The following NUSAP1 variants were observed in gnomAD, a reference collection of about 807,000 sequenced individuals.
NUSAP1 encodes nucleolar and spindle associated protein 1, also known as nucleolar and spindle-associated protein 1.
A neutral mutation model predicts 52.8 loss-of-function variants in NUSAP1; 32 were observed. That is an observed-to-expected ratio of 0.61 (90% CI 0.46 to 0.81). NUSAP1 has a LOEUF of 0.81. Ranked by LOEUF, NUSAP1 falls within the 40% of genes least tolerant of loss-of-function variation. The pLI is 0.00. For missense variants in NUSAP1, 499 were observed against 522.3 expected (o/e 0.96, Z 0.43); for synonymous variants, 195 against 183.1 (o/e 1.06, Z -0.52).
At chr15:41,337,221 G>A (rs1284051768) in intron 1 of NUSAP1, among the ~76,000 whole-genome samples, 1 of 151,928 alleles carries the variant, frequency 6.6e-6, no homozygotes, top group Non-Finnish European at 1.5e-5. Flanking sequence ...GTCTGACTAT[G>A]TTGCCCTGTC....
At chr15:41,368,728 CTTTTTTTTTTTTT>C (rs57501156) in intron 7 of NUSAP1, among the ~76,000 whole-genome samples, 19 of 77,946 alleles carry the variant, frequency 2.4e-4, no homozygotes, top group South Asian at 4.5e-4. Flanking sequence ...TTATTTTATT[CTTTTTTTTTTTTT>C]TTTTTTTTTT....
intron 4 of NUSAP1, among the ~76,000 whole-genome samples, chr15:41,355,319 C>T (rs955311793): frequency 1.5e-4 from 23 of 151,670 alleles, no homozygotes; most frequent in African/African-American, 4.4e-4. Flanking sequence ...ATTACAGGCA[C>T]GCCCCACCAC....
At chr15:41,352,293 AT>A (rs1164890412) in intron 4 of NUSAP1, among the ~76,000 whole-genome samples, 1 of 152,044 alleles carries the variant, frequency 6.6e-6, no homozygotes, top group Non-Finnish European at 1.5e-5. Flanking sequence ...AAAATAAAAA[AT>A]AATAATAAAT....
At chr15:41,347,410 A>C (rs1296115526) in intron 2 of NUSAP1, among the ~76,000 whole-genome samples, 1 of 152,176 alleles carries the variant, frequency 6.6e-6, no homozygotes, top group Non-Finnish European at 1.5e-5. Flanking sequence ...TTGGGCATTC[A>C]AGGAACCACC....
chr15:41,347,269 G>A (rs1223658544), intron 2 of NUSAP1, among the ~76,000 whole-genome samples: 2 of 152,190 alleles, frequency 1.3e-5, no homozygotes, highest in Non-Finnish European at 2.9e-5. Flanking sequence ...GAAATTGACT[G>A]ACTACTAATA....
At position 41,355,555 on chromosome 15, in the gene NUSAP1, C is replaced by T. The variant is rs919579755; in HGVS notation, c.449-484C>T. Among the ~76,000 whole-genome samples, 14 of 152,054 alleles carry T rather than the reference C, an allele frequency of 9.2e-5. 1 individual carries two copies. The highest frequency in any genetic ancestry group is 7.2e-4 in the Admixed American group (11 of 15,238). ...CTACTTGAAGCATATGACCTGTAAT[C>T]GTAGGAATGCTGTAACTAATTTTTT... On this transcript the variant is annotated intron_variant, in intron 4 of 10. Coordinates refer to ENST00000559596, the MANE Select transcript of NUSAP1 (RefSeq NM_016359.5).
chr15:41,342,854 G>A (rs914654431), intron 2 of NUSAP1, among the ~76,000 whole-genome samples: 23 of 151,940 alleles, frequency 1.5e-4, no homozygotes, highest in Non-Finnish European at 1.6e-4. Context: ...CAAAAAAAAA[G>A]ATATGCTGTT....
chr15:41,340,231 T>G (rs1177583959), intron 1 of NUSAP1, among the ~76,000 whole-genome samples: 3 of 152,190 alleles, frequency 2.0e-5, no homozygotes, highest in Non-Finnish European at 4.4e-5. Context: ...TCAGGGCTCC[T>G]GTTCTTGGCG....
intron 1 of NUSAP1, among the ~76,000 whole-genome samples, chr15:41,336,668 T>TTTTTTTTTTTTTTTTG: frequency 6.7e-6 from 1 of 149,080 alleles, no homozygotes; most frequent in African/African-American, 2.5e-5. Flanking sequence ...TTTTTTTTTT[T>TTTTTTTTTTTTTTTTG]TGAGATAAGG....
chr15:41,341,837 T>C (rs897286286), intron 1 of NUSAP1, among the ~76,000 whole-genome samples: 1 of 152,184 alleles, frequency 6.6e-6, no homozygotes, highest in Non-Finnish European at 1.5e-5. Context: ...GTAAAGTTCA[T>C]ACTCTTTAAA....
chr15:41,376,209 A>G (rs2049926744), intron 9 of NUSAP1, among the ~76,000 whole-genome samples: 1 of 151,664 alleles, frequency 6.6e-6, no homozygotes, highest in African/African-American at 2.4e-5. Context: ...CAGCCTGGCC[A>G]ACATGGTGAA....
At chr15:41,346,399 C>A (rs1271552656) in intron 2 of NUSAP1, among the ~76,000 whole-genome samples, 1 of 152,026 alleles carries the variant, frequency 6.6e-6, no homozygotes, top group Admixed American at 6.6e-5. Context: ...TTTGGCTTGA[C>A]CTCAAGCAGT....
chr15:41,351,211 AC>A, intron 4 of NUSAP1, 82 bp downstream of exon 4: 1 of 1,395,930 alleles, frequency 7.2e-7, no homozygotes, highest in Non-Finnish European at 9.7e-7. Flanking sequence ...ATTTCCTAGG[AC>A]TGTTGTGACA....
rs140340920 is a variant in NUSAP1 at position 41,334,067 on chromosome 15, A to G, written c.93+1017A>G. Among the ~76,000 whole-genome samples, 575 of 152,310 alleles carry G rather than the reference A, an allele frequency of 3.8e-3. 5 individuals carry two copies. The highest frequency in any genetic ancestry group is 0.013 in the African/African-American group (550 of 41,562). Reference sequence around the variant, plus strand: ...GTTTCTCCTGCAGGCTGTGATACTGACAGTGAGTAAATGCTTAAATCAATC... The same window carrying G: ...GTTTCTCCTGCAGGCTGTGATACTGGCAGTGAGTAAATGCTTAAATCAATC... On this transcript the variant is annotated intron_variant, in intron 1 of 10. Coordinates refer to ENST00000559596, the MANE Select transcript of NUSAP1 (RefSeq NM_016359.5).
At chr15:41,374,071 G>A (rs1167367757) in intron 8 of NUSAP1, among the ~76,000 whole-genome samples, 1 of 152,142 alleles carries the variant, frequency 6.6e-6, no homozygotes. Flanking sequence ...AAGCTGCTTA[G>A]CAAAGGAAAT....
At chr15:41,337,416 G>A (rs1305265639) in intron 1 of NUSAP1, among the ~76,000 whole-genome samples, 1 of 151,962 alleles carries the variant, frequency 6.6e-6, no homozygotes, top group African/African-American at 2.4e-5. Flanking sequence ...GAAGATCCTG[G>A]GCCCTCTTGC....
intron 2 of NUSAP1, among the ~76,000 whole-genome samples, chr15:41,343,837 A>C (rs1455403994): frequency 6.6e-6 from 1 of 152,158 alleles, no homozygotes; most frequent in African/African-American, 2.4e-5. Context: ...AAAATAGACA[A>C]GAACTATTTT....
At chr15:41,361,052 C>T (rs973465494) in intron 6 of NUSAP1, among the ~76,000 whole-genome samples, 1 of 151,874 alleles carries the variant, frequency 6.6e-6, no homozygotes, top group Non-Finnish European at 1.5e-5. Context: ...GGAGGTCACA[C>T]CACTGCACTC....
intron 10 of NUSAP1, among the ~76,000 whole-genome samples, chr15:41,378,379 G>A (rs1227528791): frequency 1.3e-5 from 2 of 152,180 alleles, no homozygotes; most frequent in Admixed American, 6.5e-5. Context: ...GCTCATCCTG[G>A]GTTGCAGCAA....
Sources: allele counts gnomAD v4.1 joint callset (sites outside exome capture counted in the v4.1 genomes callset), GRCh38; gene constraint gnomAD v4.1.1; transcripts MANE v1.5; gene names NCBI Gene and HGNC (gene_info 2026-07-23, HGNC 2026-07-21).